The following SIRT5 variants were observed in gnomAD, a reference collection of about 807,000 sequenced individuals.
SIRT5 encodes the protein sirtuin 5.
Under a neutral mutation model 40.0 loss-of-function variants are expected in SIRT5, and 26 were observed. The ratio of observed to expected loss-of-function variants is 0.65; its 90% confidence interval spans 0.48 to 0.90. The LOEUF (loss-of-function observed/expected upper bound fraction) is 0.90. Among genes scored for constraint, SIRT5 ranks in the 40% least tolerant of loss-of-function variants. The pLI is 0.00. For synonymous variants in SIRT5, 146 were observed against 149.1 expected (o/e 0.98, Z 0.15); for missense variants, 401 against 402.4 (o/e 1.00, Z 0.03).
At chr6:13,603,492 T>A (rs920192586) in intron 9 of SIRT5, among the ~76,000 whole-genome samples, 6 of 152,182 alleles carry the variant, frequency 3.9e-5, no homozygotes, top group African/African-American at 1.4e-4. Context: ...ATTGAAATGA[T>A]GTTCAGTAGC....
intron 9 of SIRT5, among the ~76,000 whole-genome samples, chr6:13,601,262 GT>G (rs1428290492): frequency 6.6e-6 from 1 of 152,114 alleles, no homozygotes; most frequent in African/African-American, 2.4e-5. Flanking sequence ...GTAGTTGTAG[GT>G]TACCCAAATG....
chr6:13,575,074 C>G (rs1758418893), intron 1 of SIRT5, among the ~76,000 whole-genome samples: 1 of 152,128 alleles, frequency 6.6e-6, no homozygotes, highest in Non-Finnish European at 1.5e-5. Context: ...GGCCTAGTCC[C>G]TGGGCACGAG....
In SIRT5 at chr6:13,607,222, T is replaced by C. The variant is rs1763234693; in HGVS notation, c.858-4568T>C. On this transcript the variant is annotated intron_variant, in intron 9 of 9. Transcript: ENST00000606117. This position sits in a 1 kb window ranked among gnomAD's most constrained non-coding sequence, Gnocchi z 4.0. ...AATTTCTAGGGGGAAGATGCCTGTT[T>C]ATCTGTGTAGTTAGCAAATGACCCA... Among the ~76,000 whole-genome samples the C allele has an allele frequency of 2.0e-5, 3 of 152,132 alleles. No individual in the cohort carries two copies.
At chr6:13,577,014 C>A (rs4712041) in intron 1 of SIRT5, among the ~76,000 whole-genome samples, 1 of 152,008 alleles carries the variant, frequency 6.6e-6, no homozygotes, top group Non-Finnish European at 1.5e-5. Context: ...GTTGATGTGC[C>A]GATTTTTATG....
At chr6:13,586,933 A>G (rs189170739) in intron 3 of SIRT5, among the ~76,000 whole-genome samples, 348 of 152,148 alleles carry the variant, frequency 2.3e-3, no homozygotes, top group African/African-American at 7.8e-3. Context: ...CCATCCCACT[A>G]TGTTTCTTCC....
chr6:13,601,834 G>A (rs1380491954), intron 9 of SIRT5, among the ~76,000 whole-genome samples: 2 of 150,222 alleles, frequency 1.3e-5, no homozygotes, highest in East Asian at 3.9e-4. Context: ...TCTTTGCTGG[G>A]ATTTAAAAAA....
intron 9 of SIRT5, among the ~76,000 whole-genome samples, chr6:13,602,898 C>T (rs191996675): frequency 1.3e-5 from 2 of 152,210 alleles, no homozygotes; most frequent in African/African-American, 4.8e-5. Context: ...ACCAAAAGAG[C>T]AAGTAACATA....
Position 13,600,947 on chromosome 6 carries a change from C to T in SIRT5, c.855C>T (p.Phe285=). ...NTETTPATNR[F]RFHFQGPCGT... is the part of the protein sequence containing the mutation. ...AGACCACCCCAGCTACGAACAGATTCAGGTACTGGGATACCCTGATGGGAG... is the reference window on the plus strand; with the variant it reads ...AGACCACCCCAGCTACGAACAGATTTAGGTACTGGGATACCCTGATGGGAG... The change falls in exon 9 of 10, where the codon TTC becomes TTT. Residue 285 remains phenylalanine (F), a splice_region_variant and synonymous_variant. Coordinates refer to ENST00000606117, the MANE Select transcript of SIRT5 (RefSeq NM_012241.5). 3 of 1,612,224 alleles carry T rather than the reference C, an allele frequency of 1.9e-6. No individual in the cohort carries two copies. Among genetic ancestry groups the T allele is most frequent in the Non-Finnish European group, 2.5e-6 (3 of 1,178,372 alleles).
chr6:13,583,289 CTTTTTTTTTTTT>C (rs765557886), intron 2 of SIRT5, among the ~76,000 whole-genome samples: 4 of 100,536 alleles, frequency 4.0e-5, no homozygotes, highest in Admixed American at 2.1e-4. Context: ...CTTCTTTGTT[CTTTTTTTTTTTT>C]TTTTTTTTTT....
At chr6:13,595,246 C>T (rs550081725) in intron 5 of SIRT5, among the ~76,000 whole-genome samples, 75 of 152,282 alleles carry the variant, frequency 4.9e-4, no homozygotes, top group African/African-American at 1.7e-3. Flanking sequence ...TGGCGGTGCA[C>T]ACCTATAGTC....
Position 13,584,199 on chromosome 6 carries a change from G to T in SIRT5, c.89G>T (p.Cys30Phe), listed in dbSNP as rs1413919419. The part of the protein sequence containing the change: ...KPPASTRNQI[C>F]LKMARPSSSM... ...CCAGCGTCCACACGAAACCAGATTT[G>T]CCTGAAAATGGCTCGGCCAAGTTCA... The change falls in exon 3 of 10, where the codon TGC becomes TTC. Residue 30 changes from cysteine to phenylalanine, a missense_variant. Coordinates refer to ENST00000606117, the MANE Select transcript of SIRT5 (RefSeq NM_012241.5). 1 of 1,613,946 alleles carries T rather than the reference G, an allele frequency of 6.2e-7. No homozygotes were observed. The highest frequency in any genetic ancestry group is 2.2e-5 in the East Asian group (1 of 44,882).
rs1261687976 is a variant in SIRT5 at position 13,574,680 on chromosome 6, G to C, written c.-259G>C. The C allele has an allele frequency of 6.6e-6, 1 of 152,282 alleles. No individual in the cohort carries two copies. Among genetic ancestry groups the C allele is most frequent in the Admixed American group, 6.5e-5 (1 of 15,286 alleles). 9.4% of individuals were successfully genotyped at this position (152,282 alleles called of 1,614,324 possible). ...CGGGACACAGCGCCTCTAGGAGAAA[G>C]CCTGGAAGGCGCTCCGGGGGTACCC... is the stretch of plus-strand genomic sequence containing the variant. On this transcript the variant is annotated 5_prime_UTR_variant, in exon 1 of 10. Transcript: ENST00000606117.
intron 6 of SIRT5, 151 bp from the exon 7 acceptor site, chr6:13,596,812 C>T (rs1254814391): frequency 1.6e-6 from 1 of 618,242 alleles, no homozygotes; most frequent in Non-Finnish European, 2.7e-6. Flanking sequence ...GGCTTGGGGT[C>T]CTTCCTTCTA....
chr6:13,591,968 G>A (rs1283152812), intron 5 of SIRT5, 74 bp downstream of exon 5: 1 of 1,359,588 alleles, frequency 7.4e-7, no homozygotes, highest in Non-Finnish European at 1.0e-6. Context: ...CATCACCTCT[G>A]GTGCCTTCCC....
At chr6:13,588,294 C>T in intron 3 of SIRT5, 37 bp from the exon 4 acceptor site, 1 of 1,602,226 alleles carries the variant, frequency 6.2e-7, no homozygotes, top group South Asian at 1.1e-5. Context: ...AATGTCCAAA[C>T]TGTACACTGG....
intron 6 of SIRT5, among the ~76,000 whole-genome samples, chr6:13,595,961 C>T (rs773014436): frequency 2.0e-5 from 3 of 152,188 alleles, no homozygotes; most frequent in Non-Finnish European, 4.4e-5. Flanking sequence ...CACTGCACTA[C>T]AGCCTGGGTG....
intron 8 of SIRT5, among the ~76,000 whole-genome samples, chr6:13,600,432 G>T (rs139879566): frequency 6.6e-6 from 1 of 152,066 alleles, no homozygotes; most frequent in Non-Finnish European, 1.5e-5. Flanking sequence ...GTTATCTTGC[G>T]GTAAGATTAT....
chr6:13,598,638 C>T (rs778797434), intron 7 of SIRT5, among the ~76,000 whole-genome samples: 6 of 151,852 alleles, frequency 4.0e-5, no homozygotes, highest in East Asian at 3.9e-4. Flanking sequence ...GAGACCAGCC[C>T]GGCGAATGTG....
chr6:13,590,461 A>T (rs1760708749), intron 4 of SIRT5, among the ~76,000 whole-genome samples: 2 of 151,574 alleles, frequency 1.3e-5, no homozygotes, highest in Admixed American at 1.3e-4. Context: ...AGTTGCATGT[A>T]TGTGTGTAGC....
Sources: gnomAD v4.1 joint callset for allele counts (sites outside exome capture counted in the v4.1 genomes callset) on GRCh38, gnomAD v4.1.1 for gene constraint, Gnocchi (gnomAD v3.1) non-coding constraint, MANE v1.5 for transcripts, NCBI Gene and HGNC (gene_info 2026-07-23, HGNC 2026-07-21) for gene names.